The following SATL1 variants were observed in gnomAD, a reference collection of about 807,000 sequenced individuals.
SATL1 encodes spermidine/spermine N1-acetyl transferase like 1.
In SATL1, 47 loss-of-function variants were observed where a neutral mutation model predicts 51.8. The observed-to-expected ratio is 0.91, with a 90% confidence interval of 0.72 to 1.16. SATL1 has a LOEUF of 1.16. Ranked by LOEUF, SATL1 falls within the 50% of genes most tolerant of loss-of-function variation. SATL1 has a pLI of 0.00. For missense variants in SATL1, 520 were observed against 526.4 expected, an observed-to-expected ratio of 0.99 and a Z score of 0.12; for synonymous variants, 176 against 182.4, an observed-to-expected ratio of 0.97 and a Z score of 0.28.
intron 2 of SATL1, among the ~76,000 whole-genome samples, chrX:85,137,125 A>G (rs1234548126): frequency 9.0e-6 from 1 of 111,237 alleles, no homozygotes; most frequent in African/African-American, 3.3e-5. Context: ...GGGATTCGTT[A>G]GGATTGGGAA....
chrX:85,147,340 A>G (rs1168491052), intron 2 of SATL1, among the ~76,000 whole-genome samples: 1 of 112,433 alleles, frequency 8.9e-6, no homozygotes, highest in East Asian at 2.8e-4. Context: ...GGTGGAGCCC[A>G]CCACAGCTCA....
intron 2 of SATL1, among the ~76,000 whole-genome samples, chrX:85,129,747 AG>A (rs1172570932): frequency 9.0e-6 from 1 of 111,538 alleles, no homozygotes; most frequent in African/African-American, 3.3e-5. Flanking sequence ...GAATGCTTCC[AG>A]TTTTTGCCCA....
intron 2 of SATL1, among the ~76,000 whole-genome samples, chrX:85,144,947 G>A (rs1569235842): frequency 9.0e-6 from 1 of 110,740 alleles, no homozygotes; most frequent in Non-Finnish European, 1.9e-5. Context: ...TGAAGTGGGA[G>A]GATTACTTGA....
At chrX:85,103,089 A>G (rs192611958) in intron 4 of SATL1, among the ~76,000 whole-genome samples, 36 of 111,785 alleles carry the variant, frequency 3.2e-4, no homozygotes, top group Admixed American at 3.0e-3. Flanking sequence ...AGTGGTGTTA[A>G]TTACCAAGTA....
At chrX:85,224,981 G>C (rs1344380023) in intron 1 of SATL1, among the ~76,000 whole-genome samples, 1 of 110,675 alleles carries the variant, frequency 9.0e-6, no homozygotes, top group Non-Finnish European at 1.9e-5. Flanking sequence ...AACCTGAATG[G>C]ATCCCCAAAG....
chrX:85,220,687 A>AAAC (rs1569249782), intron 2 of SATL1, among the ~76,000 whole-genome samples: 2 of 91,895 alleles, frequency 2.2e-5, no homozygotes, highest in African/African-American at 8.7e-5. Context: ...AAAAAAAAAA[A>AAAC]CTCTCCTGGA....
intron 2 of SATL1, among the ~76,000 whole-genome samples, chrX:85,132,007 C>T (rs1260681377): frequency 9.0e-6 from 1 of 111,704 alleles, no homozygotes; most frequent in Non-Finnish European, 1.9e-5. Flanking sequence ...AAGGTTTCTA[C>T]CGAGAGATCT....
chrX:85,173,365 T>C (rs1927014147), intron 2 of SATL1, among the ~76,000 whole-genome samples: 1 of 111,418 alleles, frequency 9.0e-6, no homozygotes, highest in Admixed American at 9.6e-5. Flanking sequence ...TATTGAAGGA[T>C]CAGTACTATC....
intron 2 of SATL1, among the ~76,000 whole-genome samples, chrX:85,173,224 A>G (rs1222503150): frequency 2.7e-5 from 3 of 110,987 alleles, no homozygotes; most frequent in Non-Finnish European, 5.7e-5. Context: ...GGGCCAAATT[A>G]TTTACTGGAC....
At chrX:85,206,400 A>C (rs770730282) in intron 2 of SATL1, among the ~76,000 whole-genome samples, 47 of 111,417 alleles carry the variant, frequency 4.2e-4, no homozygotes, top group Admixed American at 5.7e-4. Context: ...TAAGAGAAAA[A>C]CCCAGAGAGT....
intron 1 of SATL1, among the ~76,000 whole-genome samples, chrX:85,230,093 C>T (rs1928351265): frequency 9.0e-6 from 1 of 111,134 alleles, no homozygotes; most frequent in Non-Finnish European, 1.9e-5. Flanking sequence ...CATATGGAAC[C>T]ACAAAAAGAA....
At chrX:85,154,210 G>T (rs1283525937) in intron 2 of SATL1, among the ~76,000 whole-genome samples, 1 of 111,068 alleles carries the variant, frequency 9.0e-6, no homozygotes, top group Non-Finnish European at 1.9e-5. Flanking sequence ...CCCACCAAGG[G>T]TCAGTATTTG....
chrX:85,120,724 T>C (rs986505746), intron 2 of SATL1, among the ~76,000 whole-genome samples: 3 of 112,194 alleles, frequency 2.7e-5, no homozygotes, highest in African/African-American at 9.7e-5. Context: ...TAGATGCTAG[T>C]GATTTAGCAA....
chrX:85,102,029 C>G (rs1338013849), intron 4 of SATL1, among the ~76,000 whole-genome samples: 1 of 107,753 alleles, frequency 9.3e-6, no homozygotes, highest in East Asian at 2.9e-4. Flanking sequence ...GGGAGGTCGG[C>G]AATGGGGATT....
chrX:85,171,330 ATATT>A (rs765825412), intron 2 of SATL1, among the ~76,000 whole-genome samples: 54 of 111,375 alleles, frequency 4.8e-4, no homozygotes, highest in Non-Finnish European at 8.3e-4. Context: ...TTAACTGTGA[ATATT>A]TATTTTTGTA....
chrX:85,117,876 T>A (rs1192728196), intron 2 of SATL1, among the ~76,000 whole-genome samples: 1 of 110,555 alleles, frequency 9.0e-6, no homozygotes, highest in African/African-American at 3.3e-5. Flanking sequence ...TTTCCAGATA[T>A]CATCAGCAAA....
intron 2 of SATL1, among the ~76,000 whole-genome samples, chrX:85,114,480 T>C (rs1363339876): frequency 9.0e-6 from 1 of 111,670 alleles, no homozygotes; most frequent in African/African-American, 3.3e-5. Context: ...AGAAACCTGC[T>C]TTTGAGAGCA....
chrX:85,116,688 C>A (rs1206935262), intron 2 of SATL1, among the ~76,000 whole-genome samples: 1 of 111,170 alleles, frequency 9.0e-6, no homozygotes, highest in Non-Finnish European at 1.9e-5. Flanking sequence ...AGTTAACAAC[C>A]AACTGACCAT....
chrX:85,243,728 T>C lies in SATL1; in HGVS notation c.-575A>G, dbSNP rs913927735. On this transcript the variant is annotated 5_prime_UTR_variant, in exon 1 of 8. Coordinates refer to ENST00000644105, the MANE Select transcript of SATL1 (RefSeq NM_001367857.2). ...CTTTCTTCGTTTCCCTTGGGAAACC[T>C]GGAAAACAGAAAATCTTCCCACAGA... 1 of 109,939 alleles carries C rather than the reference T, an allele frequency of 9.1e-6. No individual in the cohort carries two copies. The highest frequency in any genetic ancestry group is 1.9e-5 in the Non-Finnish European group (1 of 52,619). 9.1% of individuals were successfully genotyped at this position (109,939 alleles called of 1,213,427 possible).
Sources: allele counts gnomAD v4.1 joint callset (sites outside exome capture counted in the v4.1 genomes callset), GRCh38; gene constraint gnomAD v4.1.1; transcripts MANE v1.5; gene names NCBI Gene and HGNC (gene_info 2026-07-23, HGNC 2026-07-21).